Variants in ERVK3-1 observed in about 807,000 individuals in gnomAD.
ERVK3-1 encodes the protein HERV-K(HML6-1).
chr19:58,306,063 C>G (rs564895494), intron 1 of ERVK3-1, 25 bp from the exon 2 acceptor site: 1 of 152,332 alleles, frequency 6.6e-6, no homozygotes, highest in African/African-American at 2.4e-5. Flanking sequence ...TCATTTCTGC[C>G]TTCGTTCTCC....
rs185935611 is a variant in ERVK3-1 at position 58,312,119 on chromosome 19, G to A, written c.-3-47G>A. On this transcript the variant is annotated intron_variant, in intron 2 of 3. Coordinates refer to ENST00000413518, the Ensembl canonical transcript of ERVK3-1. The surrounding 1 kb of genome is among the most constrained non-coding windows in gnomAD (Gnocchi z 4.7). ...CAGAAGAAGGACAATGGAAAGGTCC[G>A]GTGGATTTGCTGACGTGGGGACGAG... 3.9e-3 allele frequency: 1,573 copies of A among 399,962 alleles called. 11 individuals are homozygous for A. The highest frequency in any genetic ancestry group is 7.8e-3 in the African/African-American group (382 of 48,746). The allele number at this position is 399,962 out of a possible 1,614,324, so 24.8% of individuals were successfully genotyped here. A position where few individuals can be genotyped will look rare whatever the true frequency, so the allele number is the denominator to read the frequency against.
downstream of ERVK3-1, among the ~76,000 whole-genome samples, chr19:58,316,515 CA>C: frequency 6.6e-6 from 1 of 152,094 alleles, no homozygotes; most frequent in South Asian, 2.1e-4. Flanking sequence ...ACTAAAAATA[CA>C]AAAAATTAGC....
Position 58,310,823 on chromosome 19 carries a change from G to T in ERVK3-1, c.-3-1343G>T. 1 of 372,608 alleles carries T rather than the reference G, an allele frequency of 2.7e-6. No individual in the cohort carries two copies. The highest frequency in any genetic ancestry group is 1.9e-5 in the South Asian group (1 of 52,126). 23.1% of individuals were successfully genotyped at this position (372,608 alleles called of 1,614,324 possible). A position where few individuals can be genotyped will look rare whatever the true frequency, so the allele number is the denominator to read the frequency against. ...CTTCTCTAACCTCCCCCAGGGAAAGGGAGACCGCCCCCCACCCTTTCCCGG... is the reference window on the plus strand; with the variant it reads ...CTTCTCTAACCTCCCCCAGGGAAAGTGAGACCGCCCCCCACCCTTTCCCGG... On this transcript the variant is annotated intron_variant, in intron 2 of 3. Transcript: ENST00000413518. The surrounding 1 kb of genome is among the most constrained non-coding windows in gnomAD (Gnocchi z 4.7).
chr19:58,313,742 C>A lies in ERVK3-1; in HGVS notation c.295-1006C>A, dbSNP rs565587330. Among the ~76,000 whole-genome samples the A allele has an allele frequency of 1.2e-4, 19 of 152,360 alleles. No individual in the cohort carries two copies. Among genetic ancestry groups the A allele is most frequent in the African/African-American group, 4.3e-4 (18 of 41,586 alleles). On this transcript the variant is annotated intron_variant, in intron 3 of 3. Transcript: ENST00000413518. This position sits in a 1 kb window ranked among gnomAD's most constrained non-coding sequence, Gnocchi z 4.5. ...ACACAACATATCCACTCTAATAATTCTGGGTCGTATCCCTGGATTATGGAT... is the reference window on the plus strand; with the variant it reads ...ACACAACATATCCACTCTAATAATTATGGGTCGTATCCCTGGATTATGGAT...
rs375706709 is a variant in ERVK3-1 at position 58,312,441 on chromosome 19, G to A, written c.273G>A (p.Met91Ile). The A allele has an allele frequency of 2.7e-5, 11 of 400,072 alleles. No individual in the cohort carries two copies. The highest frequency in any genetic ancestry group is 1.3e-4 in the Admixed American group (3 of 22,708). 24.8% of individuals were successfully genotyped at this position (400,072 alleles called of 1,614,324 possible). The change falls in exon 3 of 4, where the codon ATG (methionine) becomes ATA (isoleucine). Residue 91 changes from methionine (M) to isoleucine (I), a missense_variant. Transcript: ENST00000413518. The surrounding 1 kb of genome is among the most constrained non-coding windows in gnomAD (Gnocchi z 4.7). Reference sequence around the variant, plus strand: ...CCCCTGACTCCATGTTCTTGGCCATGCTAGCTGTAGTGTCCTGTGCGGTAT... The same window carrying A: ...CCCCTGACTCCATGTTCTTGGCCATACTAGCTGTAGTGTCCTGTGCGGTAT...
At position 58,313,016 on chromosome 19, in the gene ERVK3-1, T is replaced by A. The variant is rs2051567043; in HGVS notation, c.294+554T>A. 1 of 152,242 alleles carries A rather than the reference T, an allele frequency of 6.6e-6. No homozygotes were observed. The highest frequency in any genetic ancestry group is 1.5e-5 in the Non-Finnish European group (1 of 68,078). 9.4% of individuals were successfully genotyped at this position (152,242 alleles called of 1,614,324 possible). A position where few individuals can be genotyped will look rare whatever the true frequency, so the allele number is the denominator to read the frequency against. On this transcript the variant is annotated intron_variant, in intron 3 of 3. Transcript: ENST00000413518. This position sits in a 1 kb window ranked among gnomAD's most constrained non-coding sequence, Gnocchi z 4.5. ...GCACTGGTGGTGGACCTTCAACACC[T>A]CTTCATCACATCACACTGGGATTCA...
chr19:58,312,113 AG>A lies in ERVK3-1; in HGVS notation c.-3-51del. The A allele has an allele frequency of 2.5e-6, 1 of 399,916 alleles. No individual in the cohort carries two copies. The highest frequency in any genetic ancestry group is 4.4e-6 in the Non-Finnish European group (1 of 226,080). The allele number at this position is 399,916 out of a possible 1,614,324, so 24.8% of individuals were successfully genotyped here. A position where few individuals can be genotyped will look rare whatever the true frequency, so the allele number is the denominator to read the frequency against. On this transcript the variant is annotated intron_variant, in intron 2 of 3. Coordinates refer to ENST00000413518, the Ensembl canonical transcript of ERVK3-1. This position sits in a 1 kb window ranked among gnomAD's most constrained non-coding sequence, Gnocchi z 4.7. ...AATCCCCAGAAGAAGGACAATGGAA[AG>A]GTCCGGTGGATTTGCTGACGTGGGG...
At chr19:58,309,537 C>T (rs1283162831) in intron 2 of ERVK3-1, 2 of 152,182 alleles carry the variant, frequency 1.3e-5, no homozygotes, top group Admixed American at 1.3e-4. Context: ...GGAGATTCTT[C>T]ATTAGATTCC....
intron 2 of ERVK3-1, among the ~76,000 whole-genome samples, chr19:58,308,406 G>C (rs978950679): frequency 6.6e-6 from 1 of 152,234 alleles, no homozygotes; most frequent in Non-Finnish European, 1.5e-5. Flanking sequence ...ACAGAGTGCT[G>C]AAATTTTACT....
At chr19:58,315,001 G>C (rs571715615) in exon 4 of ERVK3-1, 116 of 382,060 alleles carry the variant, frequency 3.0e-4, no homozygotes, top group Admixed American at 1.0e-3. Context: ...CCCAGGTCCC[G>C]TGCTCCTTGA....
rs1283987709 is a variant in ERVK3-1 at position 58,312,608 on chromosome 19, A to T, written c.294+146A>T. ...GCACCAGGACCCCTAACTCCGTCTG[A>T]CACAGAGCAATAGCATCAATTACAC... On this transcript the variant is annotated intron_variant, in intron 3 of 3. Transcript: ENST00000413518. This position sits in a 1 kb window ranked among gnomAD's most constrained non-coding sequence, Gnocchi z 4.7. 1 of 398,160 alleles carries T rather than the reference A, an allele frequency of 2.5e-6. No individual in the cohort carries two copies. Among genetic ancestry groups the T allele is most frequent in the Non-Finnish European group, 4.4e-6 (1 of 225,866 alleles). 24.7% of individuals were successfully genotyped at this position (398,160 alleles called of 1,614,324 possible).
chr19:58,306,764 C>G (rs1348094537), intron 2 of ERVK3-1: 2 of 152,286 alleles, frequency 1.3e-5, no homozygotes, highest in East Asian at 1.9e-4. Context: ...TGCACTTTTC[C>G]TATTACCTTA....
chr19:58,310,710 G>C lies in ERVK3-1; in HGVS notation c.-3-1456G>C, dbSNP rs2147970149. 1 of 196,696 alleles carries C rather than the reference G, an allele frequency of 5.1e-6. No homozygotes were observed. Among genetic ancestry groups the C allele is most frequent in the East Asian group, 1.4e-4 (1 of 7,066 alleles). 12.2% of individuals were successfully genotyped at this position (196,696 alleles called of 1,614,324 possible). On this transcript the variant is annotated intron_variant, in intron 2 of 3. Coordinates refer to ENST00000413518, the Ensembl canonical transcript of ERVK3-1. This position sits in a 1 kb window ranked among gnomAD's most constrained non-coding sequence, Gnocchi z 4.7. ...CTAGGAGCGTGACCACTGAAGCACA[G>C]AATCACAGGGAGACGGTTAGGCCTC... is the stretch of plus-strand genomic sequence containing the variant.
At chr19:58,305,847 A>G (rs1397964133) in intron 1 of ERVK3-1, among the ~76,000 whole-genome samples, 6 of 152,184 alleles carry the variant, frequency 3.9e-5, no homozygotes, top group Admixed American at 3.9e-4. Flanking sequence ...CCTTGAGGTT[A>G]TCTACAGGAA....
In ERVK3-1 at chr19:58,310,415, C is replaced by G. The variant is rs1427863495; in HGVS notation, c.-3-1751C>G. The G allele has an allele frequency of 6.0e-6, 1 of 165,442 alleles. No individual in the cohort carries two copies. Among genetic ancestry groups the G allele is most frequent in the African/African-American group, 2.4e-5 (1 of 41,652 alleles). 10.2% of individuals were successfully genotyped at this position (165,442 alleles called of 1,614,324 possible). On this transcript the variant is annotated intron_variant, in intron 2 of 3. Coordinates refer to ENST00000413518, the Ensembl canonical transcript of ERVK3-1. The surrounding 1 kb of genome is among the most constrained non-coding windows in gnomAD (Gnocchi z 4.7). ...ACCGGTAGTGGCCCCGAATGTCTGG[C>G]TGCGCTCTTATTTATTGGATACAAA...
At chr19:58,311,644 C>T (rs1285383539) in intron 2 of ERVK3-1, 1 of 152,206 alleles carries the variant, frequency 6.6e-6, no homozygotes, top group Non-Finnish European at 1.5e-5. Context: ...GCTAACTCCG[C>T]TATGTTCATG....
downstream of ERVK3-1, chr19:58,315,702 C>CA (rs1220906975): frequency 6.6e-6 from 1 of 152,130 alleles, no homozygotes; most frequent in African/African-American, 2.4e-5. Flanking sequence ...GAAGGGGAGG[C>CA]CATGGGTGGG....
intron 2 of ERVK3-1, chr19:58,311,655 T>C (rs1297177705): frequency 1.3e-5 from 2 of 152,244 alleles, no homozygotes; most frequent in Non-Finnish European, 2.9e-5. Context: ...TATGTTCATG[T>C]AATATAGACA....
chr19:58,313,510 C>T lies in ERVK3-1; in HGVS notation c.294+1048C>T, dbSNP rs945533280. Among the ~76,000 whole-genome samples, 1 of 152,178 alleles carries T rather than the reference C, an allele frequency of 6.6e-6. No homozygotes were observed. Among genetic ancestry groups the T allele is most frequent in the African/African-American group, 2.4e-5 (1 of 41,444 alleles). ...ATTTCACCTTCTTGGCCAGGCTGCT[C>T]TTGAATTCCTGACCTCGTGATCCAC... On this transcript the variant is annotated intron_variant, in intron 3 of 3. Coordinates refer to ENST00000413518, the Ensembl canonical transcript of ERVK3-1. This position sits in a 1 kb window ranked among gnomAD's most constrained non-coding sequence, Gnocchi z 4.5.
Sources: gnomAD v4.1 joint callset for allele counts (sites outside exome capture counted in the v4.1 genomes callset) on GRCh38, gnomAD v4.1.1 for gene constraint, Gnocchi (gnomAD v3.1) non-coding constraint, MANE v1.5 for transcripts, NCBI Gene and HGNC (gene_info 2026-07-23, HGNC 2026-07-21) for gene names.